RANBP2: variants seen among roughly 807,000 people sequenced by gnomAD.
RANBP2 encodes the protein RAN binding protein 2, also known as E3 SUMO-protein ligase RanBP2.
RANBP2 carries 57 observed loss-of-function variants against 303.6 expected under a neutral mutation model. That is an observed-to-expected ratio of 0.19 (90% CI 0.15 to 0.23). The LOEUF (loss-of-function observed/expected upper bound fraction) is 0.23, where lower values mean the gene tolerates loss of function less well. Among genes scored for constraint, RANBP2 ranks in the 10% least tolerant of loss-of-function variants. RANBP2 has a pLI of 1.00. For synonymous variants in RANBP2, 1,167 were observed against 1,301.5 expected, an observed-to-expected ratio of 0.90 and a Z score of 2.23; for missense variants, 3,138 against 3,780.8, an observed-to-expected ratio of 0.83 and a Z score of 4.46.
At chr2:109,299,348 G>C in the RANBP2 span, among the ~76,000 whole-genome samples, 1 of 151,714 alleles carries the variant, frequency 6.6e-6, no homozygotes, top group Admixed American at 6.6e-5. Flanking sequence ...TTCCCATTTG[G>C]GTTACTGCTG....
chr2:109,595,903 C>T, the RANBP2 span, among the ~76,000 whole-genome samples: 10 of 152,288 alleles, frequency 6.6e-5, no homozygotes, highest in African/African-American at 1.9e-4. Context: ...CCATGCTTGT[C>T]GTTAATTCCG....
At chr2:109,203,780 A>C in the RANBP2 span, among the ~76,000 whole-genome samples, 1 of 151,968 alleles carries the variant, frequency 6.6e-6, no homozygotes, top group Non-Finnish European at 1.5e-5. Context: ...CCCTCGGTCC[A>C]TCCATTCCTG....
At chr2:108,736,537 AT>A (rs1695598312) in intron 6 of RANBP2, among the ~76,000 whole-genome samples, 1 of 152,200 alleles carries the variant, frequency 6.6e-6, no homozygotes, top group African/African-American at 2.4e-5. Context: ...CCTAAAATGA[AT>A]GTTCTAACTG....
At chr2:109,004,146 T>A in the RANBP2 span, among the ~76,000 whole-genome samples, 1 of 152,236 alleles carries the variant, frequency 6.6e-6, no homozygotes, top group South Asian at 2.1e-4. Context: ...AATAAGGGTG[T>A]AAGCCCAAGA....
At chr2:109,640,318 G>A in the RANBP2 span, among the ~76,000 whole-genome samples, 2 of 152,058 alleles carry the variant, frequency 1.3e-5, no homozygotes, top group African/African-American at 2.4e-5. Flanking sequence ...CAGGCATGCT[G>A]GTGCATGCCT....
chr2:108,789,947 A>G (rs777062336), downstream of RANBP2, among the ~76,000 whole-genome samples: 2 of 152,258 alleles, frequency 1.3e-5, no homozygotes, highest in East Asian at 1.9e-4. Context: ...ATAAAGATGT[A>G]TCCATATATA....
At chr2:109,082,825 CTTTT>C in the RANBP2 span, among the ~76,000 whole-genome samples, 5 of 123,788 alleles carry the variant, frequency 4.0e-5, no homozygotes, top group African/African-American at 1.2e-4. Flanking sequence ...GACCCCATGT[CTTTT>C]TTTTTTTTTT....
chr2:108,804,534 A>C, the RANBP2 span, among the ~76,000 whole-genome samples: 1 of 152,192 alleles, frequency 6.6e-6, no homozygotes. Context: ...TCTCTTGAAG[A>C]GTATCAGAAA....
chr2:109,392,818 T>A, the RANBP2 span, among the ~76,000 whole-genome samples: 1 of 152,166 alleles, frequency 6.6e-6, no homozygotes, highest in Admixed American at 6.5e-5. Context: ...CACGGCCCCC[T>A]GGCTTCTTAC....
At chr2:109,253,199 TGTATTTTTA>T in the RANBP2 span, among the ~76,000 whole-genome samples, 1 of 152,236 alleles carries the variant, frequency 6.6e-6, no homozygotes, top group Middle Eastern at 3.4e-3. Context: ...GGCTAGTTTT[TGTATTTTTA>T]GTAGAGATGG....
At chr2:108,938,928 C>T in the RANBP2 span, among the ~76,000 whole-genome samples, 4 of 151,954 alleles carry the variant, frequency 2.6e-5, no homozygotes, top group East Asian at 3.9e-4. Flanking sequence ...TACAGGCACC[C>T]GCCACCACAT....
the RANBP2 span, among the ~76,000 whole-genome samples, chr2:109,257,663 G>T: frequency 6.6e-6 from 1 of 152,130 alleles, no homozygotes; most frequent in Non-Finnish European, 1.5e-5. Context: ...CTTGGTTTGC[G>T]CTTCAGGGAA....
chr2:109,278,494 G>C, the RANBP2 span, among the ~76,000 whole-genome samples: 2 of 152,196 alleles, frequency 1.3e-5, no homozygotes, highest in Admixed American at 6.5e-5. Flanking sequence ...TGATGATGAG[G>C]CACAAGGATT....
the RANBP2 span, among the ~76,000 whole-genome samples, chr2:109,767,391 G>C: frequency 6.9e-6 from 1 of 144,196 alleles, no homozygotes; most frequent in Non-Finnish European, 1.5e-5. Context: ...CACATATGTA[G>C]ATCTATTAAC....
the RANBP2 span, among the ~76,000 whole-genome samples, chr2:108,961,143 C>T: frequency 4.6e-5 from 7 of 152,196 alleles, no homozygotes; most frequent in Admixed American, 2.0e-4. Context: ...GAGTGGCCCC[C>T]GCTGCAGAGC....
At chr2:108,957,457 A>G in the RANBP2 span, among the ~76,000 whole-genome samples, 1 of 152,238 alleles carries the variant, frequency 6.6e-6, no homozygotes, top group Admixed American at 6.5e-5. Context: ...ATAGAGGGCT[A>G]TAAATCAAGT....
chr2:109,422,890 T>C, the RANBP2 span, among the ~76,000 whole-genome samples: 1 of 151,930 alleles, frequency 6.6e-6, no homozygotes, highest in Non-Finnish European at 1.5e-5. Context: ...ATCCGAGATG[T>C]CCTGTCATCA....
chr2:108,752,262 TAAA>T (rs943227844), intron 12 of RANBP2, among the ~76,000 whole-genome samples: 2 of 147,404 alleles, frequency 1.4e-5, no homozygotes, highest in African/African-American at 5.0e-5. Flanking sequence ...GCCTGAAAAT[TAAA>T]AAAAAAAATT....
chr2:109,654,541 C>T, the RANBP2 span, among the ~76,000 whole-genome samples: 4 of 152,068 alleles, frequency 2.6e-5, no homozygotes, highest in East Asian at 1.9e-4. Context: ...TACTACCACA[C>T]CCATCTAGTG....
Sources: allele counts gnomAD v4.1 joint callset (sites outside exome capture counted in the v4.1 genomes callset), GRCh38; gene constraint gnomAD v4.1.1; transcripts MANE v1.5; gene names NCBI Gene and HGNC (gene_info 2026-07-23, HGNC 2026-07-21).